The following ZFPM2 variants were observed in gnomAD, a reference collection of about 807,000 sequenced individuals.
The protein encoded by ZFPM2 is zinc finger protein, FOG family member 2.
Under a neutral mutation model 98.6 loss-of-function variants are expected in ZFPM2, and 20 were observed. The ratio of observed to expected loss-of-function variants is 0.20; its 90% CI spans 0.14 to 0.29. ZFPM2 has a LOEUF of 0.29. ZFPM2 is among the 10% of genes least tolerant of loss of function. The probability of loss-of-function intolerance (pLI) is 1.00; values close to 1 mark genes in which losing one functional copy is unlikely to be tolerated. For missense variants in ZFPM2, 1,310 were observed against 1,388.6 expected, an observed-to-expected ratio of 0.94 and a Z score of 0.90; for synonymous variants, 518 against 502.7, an observed-to-expected ratio of 1.03 and a Z score of -0.41.
chr8:105,463,524 G>T (rs1042877187), intron 3 of ZFPM2, among the ~76,000 whole-genome samples: 4 of 151,904 alleles, frequency 2.6e-5, no homozygotes, highest in African/African-American at 9.7e-5. Context: ...TTAAAAACTT[G>T]CAATTGAAGA....
chr8:105,757,815 A>G (rs1233456228), intron 5 of ZFPM2, among the ~76,000 whole-genome samples: 1 of 151,824 alleles, frequency 6.6e-6, no homozygotes, highest in Non-Finnish European at 1.5e-5. Flanking sequence ...AAATTATGTC[A>G]TGTGTGCAGA....
intron 6 of ZFPM2, chr8:105,795,678 C>A: frequency 2.9e-6 from 1 of 349,060 alleles, no homozygotes; most frequent in Non-Finnish European, 5.6e-6. Flanking sequence ...TTAAGTACAC[C>A]CTGGCAAATT....
At chr8:105,688,024 G>A (rs1282804543) in intron 5 of ZFPM2, among the ~76,000 whole-genome samples, 1 of 152,046 alleles carries the variant, frequency 6.6e-6, no homozygotes, top group Non-Finnish European at 1.5e-5. Flanking sequence ...ATGATATCAG[G>A]TGAAAAAGAA....
chr8:105,411,952 G>A (rs1212381339), intron 1 of ZFPM2, among the ~76,000 whole-genome samples: 1 of 151,710 alleles, frequency 6.6e-6, no homozygotes, highest in Non-Finnish European at 1.5e-5. Flanking sequence ...TGCTGCTTGC[G>A]AGGCTTGCAC....
At chr8:105,560,184 A>AG (rs1563719753) in intron 3 of ZFPM2, among the ~76,000 whole-genome samples, 3 of 60,080 alleles carry the variant, frequency 5.0e-5, no homozygotes, top group East Asian at 4.0e-4. Flanking sequence ...AAAAAAAAAA[A>AG]AAAGAAAGAA....
chr8:105,495,732 G>A (rs1018750549), intron 3 of ZFPM2, among the ~76,000 whole-genome samples: 5 of 152,136 alleles, frequency 3.3e-5, no homozygotes, highest in African/African-American at 1.2e-4. Flanking sequence ...TTCTGAAGAA[G>A]AAGAAGAAGA....
chr8:105,774,116 C>T (rs1813043792), intron 5 of ZFPM2, among the ~76,000 whole-genome samples: 1 of 152,072 alleles, frequency 6.6e-6, no homozygotes. Context: ...CATTTCAGGT[C>T]CTTCCATAAT....
In ZFPM2 at chr8:105,627,190, G is replaced by A. The variant is rs17218747; in HGVS notation, c.421-7056G>A. 3.5e-3 allele frequency among the ~76,000 whole-genome samples: 526 copies of A among 152,086 alleles called. 2 individuals are homozygous for A. Among genetic ancestry groups the A allele is most frequent in the Non-Finnish European group, 6.6e-3 (448 of 67,994 alleles). On this transcript the variant is annotated intron_variant, in intron 4 of 7. Coordinates refer to ENST00000407775, the MANE Select transcript of ZFPM2 (RefSeq NM_012082.4). ...TTTATTGAAGGCTTCCTCCTTTGTC[G>A]GTCCAGTAACTCTAAAGGTTAGTGA...
intron 1 of ZFPM2, among the ~76,000 whole-genome samples, chr8:105,397,312 A>T (rs1039393432): frequency 2.6e-5 from 4 of 152,164 alleles, no homozygotes; most frequent in Admixed American, 6.5e-5. Context: ...CAGATTTTAT[A>T]ATCACATAAC....
At chr8:105,597,845 G>A (rs1418229294) in intron 4 of ZFPM2, among the ~76,000 whole-genome samples, 2 of 151,924 alleles carry the variant, frequency 1.3e-5, no homozygotes, top group African/African-American at 2.4e-5. Flanking sequence ...TAATAGTACC[G>A]CTGCACTATA....
intron 3 of ZFPM2, among the ~76,000 whole-genome samples, chr8:105,520,544 A>G (rs184373931): frequency 1.3e-5 from 2 of 152,150 alleles, no homozygotes; most frequent in Non-Finnish European, 2.9e-5. Flanking sequence ...ACGCTCACAC[A>G]CATATTTATA....
intron 4 of ZFPM2, among the ~76,000 whole-genome samples, chr8:105,613,131 C>G (rs545976218): frequency 3.3e-5 from 5 of 152,192 alleles, no homozygotes; most frequent in Admixed American, 1.3e-4. Flanking sequence ...TAATTAACAG[C>G]AGGCAAAATA....
intron 2 of ZFPM2, among the ~76,000 whole-genome samples, chr8:105,424,359 A>AC (rs1811863568): frequency 6.6e-6 from 1 of 152,156 alleles, no homozygotes; most frequent in Non-Finnish European, 1.5e-5. Context: ...TCTAGATATG[A>AC]AGAATGGTCA....
chr8:105,730,702 C>T (rs1361392998), intron 5 of ZFPM2, among the ~76,000 whole-genome samples: 1 of 151,062 alleles, frequency 6.6e-6, no homozygotes, highest in Non-Finnish European at 1.5e-5. Flanking sequence ...ATATTAAAGG[C>T]CTGAAGGAAA....
intron 4 of ZFPM2, among the ~76,000 whole-genome samples, chr8:105,633,834 T>C (rs1195508184): frequency 6.6e-6 from 1 of 152,200 alleles, no homozygotes; most frequent in Non-Finnish European, 1.5e-5. Flanking sequence ...ATCCTGATTC[T>C]TTAAATTCTT....
At chr8:105,408,794 G>A (rs538542363) in intron 1 of ZFPM2, among the ~76,000 whole-genome samples, 28 of 151,950 alleles carry the variant, frequency 1.8e-4, no homozygotes, top group Non-Finnish European at 1.5e-4. Flanking sequence ...AACTGGCAGT[G>A]TTCCAGGAGC....
chr8:105,418,836 G>C, intron 1 of ZFPM2: 1 of 543,578 alleles, frequency 1.8e-6, no homozygotes, highest in Non-Finnish European at 3.5e-6. Context: ...AAAGTGCACA[G>C]TTTTGCTCTT....
chr8:105,688,003 G>A (rs1425950525), intron 5 of ZFPM2, among the ~76,000 whole-genome samples: 4 of 151,966 alleles, frequency 2.6e-5, no homozygotes, highest in African/African-American at 9.7e-5. Flanking sequence ...GGCATCAAAG[G>A]GGCACTTACA....
chr8:105,603,268 T>C (rs1816129877), intron 4 of ZFPM2, among the ~76,000 whole-genome samples: 1 of 152,110 alleles, frequency 6.6e-6, no homozygotes, highest in African/African-American at 2.4e-5. Context: ...GCTTACAGCA[T>C]GGTATATAGG....
Sources: gnomAD v4.1 joint callset for allele counts (sites outside exome capture counted in the v4.1 genomes callset) on GRCh38, gnomAD v4.1.1 for gene constraint, MANE v1.5 for transcripts, NCBI Gene and HGNC (gene_info 2026-07-23, HGNC 2026-07-21) for gene names.